STX18: variants seen among roughly 807,000 people sequenced by gnomAD.
STX18 encodes syntaxin 18.
Under a neutral mutation model 50.1 loss-of-function variants are expected in STX18, and 40 were observed. The observed-to-expected ratio is 0.80, with a 90% CI of 0.62 to 1.04. The LOEUF is 1.04. STX18 is among the 50% of genes least tolerant of loss of function. The probability of loss-of-function intolerance (pLI) is 0.00; values close to 1 mark genes in which losing one functional copy is unlikely to be tolerated. For missense variants in STX18, 410 were observed against 415.8 expected (o/e 0.99, Z 0.12); for synonymous variants, 158 against 151.8 (o/e 1.04, Z -0.30).
At chr4:4,449,073 G>T (rs1241621997) in intron 5 of STX18, among the ~76,000 whole-genome samples, 4 of 137,274 alleles carry the variant, frequency 2.9e-5, no homozygotes, top group Admixed American at 1.5e-4. Context: ...TTGAGATAAG[G>T]TCTCACTCTG....
chr4:4,536,911 G>C (rs1002641183), intron 1 of STX18, among the ~76,000 whole-genome samples: 2 of 152,150 alleles, frequency 1.3e-5, no homozygotes, highest in Admixed American at 1.3e-4. Flanking sequence ...TATTCTACAA[G>C]AAATCTCTGC....
At chr4:4,507,215 C>T in intron 1 of STX18, 1 of 612,550 alleles carries the variant, frequency 1.6e-6, no homozygotes. Context: ...GTCAGCCATG[C>T]AATTATGAGG....
At chr4:4,454,213 AG>A (rs752494532) in intron 5 of STX18, among the ~76,000 whole-genome samples, 7 of 152,222 alleles carry the variant, frequency 4.6e-5, no homozygotes, top group Non-Finnish European at 1.0e-4. Context: ...GGAAAGGACA[AG>A]AAGGAGGGTG....
intron 2 of STX18, chr4:4,461,883 T>C (rs1479504265): frequency 2.2e-6 from 1 of 456,228 alleles, no homozygotes; most frequent in Non-Finnish European, 4.4e-6. Flanking sequence ...TCACCACACC[T>C]TTCTCTCCTC....
intron 1 of STX18, among the ~76,000 whole-genome samples, chr4:4,505,032 T>C (rs1729635237): frequency 6.6e-6 from 1 of 152,144 alleles, no homozygotes; most frequent in African/African-American, 2.4e-5. Context: ...TTTTAGAACA[T>C]TTTCATCACC....
Position 4,419,608 on chromosome 4 carries a change from T to TGAG in STX18, c.*423_*425dup, listed in dbSNP as rs1176094896. 6.4e-6 allele frequency: 1 copy of TGAG among 156,656 alleles called. No individual in the cohort carries two copies. Among genetic ancestry groups the TGAG allele is most frequent in the Non-Finnish European group, 1.4e-5 (1 of 70,934 alleles). 9.7% of individuals were successfully genotyped at this position (156,656 alleles called of 1,614,324 possible). A position where few individuals can be genotyped will look rare whatever the true frequency, so the allele number is the denominator to read the frequency against. On this transcript the variant is annotated 3_prime_UTR_variant, in exon 11 of 11. Transcript: ENST00000306200. ...AGGAAACAAAGAAGTAATCATTTGT[T>TGAG]GAGAGACGTTATTAACTATGATCTT...
At chr4:4,455,359 T>C in intron 5 of STX18, among the ~76,000 whole-genome samples, 1 of 152,350 alleles carries the variant, frequency 6.6e-6, no homozygotes, top group Admixed American at 6.5e-5. Flanking sequence ...GACAGATAAC[T>C]TGACTGATCT....
rs371215874 is a variant in STX18 at position 4,441,206 on chromosome 4, A to G, written c.498-2697T>C. Among the ~76,000 whole-genome samples the G allele has an allele frequency of 5.3e-5, 8 of 152,226 alleles. No homozygotes were observed. In the South Asian group the frequency reaches 8.3e-4, roughly 16 times the overall value. On this transcript the variant is annotated intron_variant, in intron 5 of 10. Transcript: ENST00000306200. Reference sequence around the variant, plus strand: ...AATTCTGGCCATATTCTACTGCCCAACACATTCACGATGGTCCACTGGAGT... The same window carrying G: ...AATTCTGGCCATATTCTACTGCCCAGCACATTCACGATGGTCCACTGGAGT...
chr4:4,477,020 C>T (rs957685032), intron 1 of STX18, among the ~76,000 whole-genome samples: 7 of 151,536 alleles, frequency 4.6e-5, no homozygotes, highest in Admixed American at 6.6e-5. Context: ...GCCAACATGG[C>T]GAAACCCCGT....
chr4:4,478,482 C>T (rs1002692033), intron 1 of STX18, among the ~76,000 whole-genome samples: 5 of 152,176 alleles, frequency 3.3e-5, no homozygotes, highest in Admixed American at 6.5e-5. Flanking sequence ...AAGCAACATC[C>T]AGGATTGTTC....
At chr4:4,436,227 G>T (rs1343605325) in intron 6 of STX18, among the ~76,000 whole-genome samples, 1 of 152,200 alleles carries the variant, frequency 6.6e-6, no homozygotes, top group Non-Finnish European at 1.5e-5. Flanking sequence ...AAAAAAAACT[G>T]CATGTCATCC....
At chr4:4,453,918 A>G (rs1252227166) in intron 5 of STX18, among the ~76,000 whole-genome samples, 6 of 152,264 alleles carry the variant, frequency 3.9e-5, no homozygotes, top group Admixed American at 3.9e-4. Flanking sequence ...TCCATGGAAC[A>G]GAACCAGACC....
chr4:4,438,510 C>G lies in STX18; in HGVS notation c.498-1G>C. The G allele has an allele frequency of 3.8e-6, 6 of 1,598,902 alleles. No individual in the cohort carries two copies. Among genetic ancestry groups the G allele is most frequent in the Non-Finnish European group, 5.1e-6 (6 of 1,172,846 alleles). ...ATTTGGTTCTGGTTCCAGCTTAGAT[C>G]TAAAAATAAATAATTAGCAGGCAGG... On this transcript the variant is annotated splice_acceptor_variant, in intron 5 of 10. Transcript: ENST00000306200. LOFTEE classifies it high-confidence loss of function.
At chr4:4,524,855 G>C (rs1458323550) in intron 1 of STX18, among the ~76,000 whole-genome samples, 1 of 152,136 alleles carries the variant, frequency 6.6e-6, no homozygotes, top group Admixed American at 6.5e-5. Context: ...AGTGTTTATG[G>C]GAAGAAAATC....
At chr4:4,471,378 G>A (rs756467163) in intron 2 of STX18, among the ~76,000 whole-genome samples, 2 of 152,186 alleles carry the variant, frequency 1.3e-5, no homozygotes, top group Non-Finnish European at 2.9e-5. Context: ...AAGTACTCAT[G>A]GAGTTTCATT....
chr4:4,446,225 C>T (rs993390798), intron 5 of STX18, among the ~76,000 whole-genome samples: 25 of 151,976 alleles, frequency 1.6e-4, no homozygotes, highest in African/African-American at 6.0e-4. Context: ...GATGATAGAC[C>T]TAAACATACC....
At chr4:4,512,477 G>A (rs1306805996) in intron 1 of STX18, among the ~76,000 whole-genome samples, 1 of 152,128 alleles carries the variant, frequency 6.6e-6, no homozygotes, top group Non-Finnish European at 1.5e-5. Context: ...GCCAGAGTGG[G>A]GATGAGTTCC....
At position 4,473,525 on chromosome 4, in the gene STX18, C is replaced by A. The variant is rs186185543; in HGVS notation, c.169-1819G>T. Among the ~76,000 whole-genome samples, 9 of 152,206 alleles carry A rather than the reference C, an allele frequency of 5.9e-5. No homozygotes were observed. In the East Asian group the frequency reaches 1.7e-3, roughly 30 times the overall value. On this transcript the variant is annotated intron_variant, in intron 1 of 10. Transcript: ENST00000306200. ...AGCCAGGATGGTCCCGATCTCCGGA[C>A]CTCGCGATCCGCCCGCCTCAGCCTC...
At position 4,534,460 on chromosome 4, in the gene STX18, G is replaced by A. The variant is rs377042079; in HGVS notation, c.168+7337C>T. 3.9e-5 allele frequency among the ~76,000 whole-genome samples: 6 copies of A among 152,110 alleles called. No homozygotes were observed. The East Asian group carries it at 1.2e-3, about 29-fold the overall frequency. ...CTAATTAGTTACTAAGTTTTACTAA[G>A]TTTGTTGAGCCTACCTACTAAATAC... On this transcript the variant is annotated intron_variant, in intron 1 of 10. Transcript: ENST00000306200.
Sources: gnomAD v4.1 joint callset for allele counts (sites outside exome capture counted in the v4.1 genomes callset) on GRCh38, gnomAD v4.1.1 for gene constraint, MANE v1.5 for transcripts, NCBI Gene and HGNC (gene_info 2026-07-23, HGNC 2026-07-21) for gene names.